PIK3C2G: variants seen among roughly 807,000 people sequenced by gnomAD.
PIK3C2G encodes phosphatidylinositol 3-kinase C2 domain-containing subunit gamma.
Under a neutral mutation model 181.1 loss-of-function variants are expected in PIK3C2G, and 168 were observed. The ratio of observed to expected loss-of-function variants is 0.93; its 90% confidence interval spans 0.82 to 1.05. PIK3C2G has a LOEUF of 1.05. Among genes scored for constraint, PIK3C2G ranks in the 50% least tolerant of loss-of-function variants. The probability of loss-of-function intolerance (pLI) is 0.00; values close to 1 mark genes in which losing one functional copy is unlikely to be tolerated. For missense variants in PIK3C2G, 1,869 were observed against 1,732.8 expected (o/e 1.08, Z -1.40); for synonymous variants, 573 against 592.2 (o/e 0.97, Z 0.47).
At chr12:18,254,908 A>C (rs1380654962) in intron 1 of PIK3C2G, among the ~76,000 whole-genome samples, 2 of 151,668 alleles carry the variant, frequency 1.3e-5, no homozygotes, top group Non-Finnish European at 1.5e-5. Context: ...TTTCACTTAA[A>C]AATTTAAAAA....
At chr12:18,575,869 T>G (rs1269671395) in intron 29 of PIK3C2G, among the ~76,000 whole-genome samples, 1 of 152,222 alleles carries the variant, frequency 6.6e-6, no homozygotes, top group Non-Finnish European at 1.5e-5. Flanking sequence ...TGTTTATTAG[T>G]GTTTTTGAAT....
intron 18 of PIK3C2G, among the ~76,000 whole-genome samples, chr12:18,465,083 C>A (rs1206682315): frequency 1.7e-4 from 26 of 151,970 alleles, no homozygotes; most frequent in Non-Finnish European, 2.9e-5. Flanking sequence ...GAATCTAATA[C>A]TGAAAAATAA....
At chr12:18,625,666 G>A (rs1474041087) in intron 31 of PIK3C2G, among the ~76,000 whole-genome samples, 2 of 151,722 alleles carry the variant, frequency 1.3e-5, no homozygotes, top group Non-Finnish European at 3.0e-5. Context: ...TATCCCTTCA[G>A]AAACTTTAAT....
intron 15 of PIK3C2G, among the ~76,000 whole-genome samples, chr12:18,395,993 G>A (rs74906378): frequency 4.6e-5 from 7 of 151,210 alleles, no homozygotes; most frequent in South Asian, 2.1e-4. Flanking sequence ...AAAAAAACAC[G>A]CCATAGAAAC....
At chr12:18,657,523 T>C in the PIK3C2G span, among the ~76,000 whole-genome samples, 4 of 152,162 alleles carry the variant, frequency 2.6e-5, no homozygotes, top group South Asian at 6.2e-4. Context: ...AGATTTCTAA[T>C]TTTTTGTTGT....
intron 7 of PIK3C2G, among the ~76,000 whole-genome samples, chr12:18,322,339 G>A (rs1056464181): frequency 3.3e-5 from 5 of 150,384 alleles, no homozygotes; most frequent in Non-Finnish European, 7.4e-5. Flanking sequence ...CTGAGATCAC[G>A]CCACTGTACT....
At chr12:18,334,659 C>T (rs1328836999) in intron 8 of PIK3C2G, among the ~76,000 whole-genome samples, 1 of 152,036 alleles carries the variant, frequency 6.6e-6, no homozygotes, top group Non-Finnish European at 1.5e-5. Context: ...TCGGGACAAT[C>T]ACATTCAAAT....
At chr12:18,336,513 G>A (rs535347689) in intron 8 of PIK3C2G, among the ~76,000 whole-genome samples, 60 of 152,128 alleles carry the variant, frequency 3.9e-4, no homozygotes, top group South Asian at 1.0e-3. Context: ...AAAATGTGGT[G>A]GAACTAACTT....
chr12:18,560,765 A>C (rs541743680), intron 26 of PIK3C2G, among the ~76,000 whole-genome samples: 1 of 152,288 alleles, frequency 6.6e-6, no homozygotes, highest in Non-Finnish European at 1.5e-5. Context: ...CAAAAGTGAA[A>C]GGATTTGAAA....
upstream of PIK3C2G, among the ~76,000 whole-genome samples, chr12:18,245,741 A>G (rs1948033077): frequency 6.6e-6 from 1 of 152,152 alleles, no homozygotes; most frequent in South Asian, 2.1e-4. Flanking sequence ...TGGTTTGGTA[A>G]TAAGATTGCT....
intron 11 of PIK3C2G, among the ~76,000 whole-genome samples, chr12:18,352,777 A>T (rs2137713629): frequency 6.6e-6 from 1 of 152,294 alleles, no homozygotes; most frequent in Non-Finnish European, 1.5e-5. Context: ...GAGTTCAGCC[A>T]TTCCTGGCCA....
intron 26 of PIK3C2G, among the ~76,000 whole-genome samples, chr12:18,559,801 TATATATATATATATATATATAG>T (rs1268707413): frequency 2.2e-3 from 120 of 54,050 alleles, no homozygotes; most frequent in Non-Finnish European, 3.5e-3. Context: ...TATATATATA[TATATATATATATATATATATAG>T]AGAGAGAGAG....
intron 24 of PIK3C2G, among the ~76,000 whole-genome samples, chr12:18,533,657 T>A (rs1053757327): frequency 3.9e-5 from 6 of 152,172 alleles, no homozygotes; most frequent in African/African-American, 7.2e-5. Context: ...ATTGATTTTT[T>A]AAAATCTTTC....
intron 32 of PIK3C2G, among the ~76,000 whole-genome samples, chr12:18,645,238 C>A (rs1168124763): frequency 6.6e-6 from 1 of 152,062 alleles, no homozygotes; most frequent in Non-Finnish European, 1.5e-5. Context: ...ATATAATCAT[C>A]TCTGTACTTC....
chr12:18,647,867 C>A lies in PIK3C2G; in HGVS notation c.4309-9C>A. ...TGATTTATATTTTCATTATTTTCTC[C>A]GTTTTTAGGTAGTATATGATGAAGT... On this transcript the variant is annotated splice_polypyrimidine_tract_variant and intron_variant, in intron 32 of 32. Transcript: ENST00000538779. 1 of 1,449,370 alleles carries A rather than the reference C, an allele frequency of 6.9e-7. No individual in the cohort carries two copies. The highest frequency in any genetic ancestry group is 2.4e-5 in the Admixed American group (1 of 41,482). The allele number at this position is 1,449,370 out of a possible 1,614,324, so 89.8% of individuals were successfully genotyped here.
intron 18 of PIK3C2G, among the ~76,000 whole-genome samples, chr12:18,454,633 C>A (rs1947533186): frequency 6.6e-6 from 1 of 152,000 alleles, no homozygotes; most frequent in African/African-American, 2.4e-5. Context: ...ATTAAGGAGA[C>A]AAAGGCAAAA....
intron 17 of PIK3C2G, among the ~76,000 whole-genome samples, chr12:18,421,462 C>T (rs769039602): frequency 9.9e-5 from 15 of 151,810 alleles, no homozygotes; most frequent in Non-Finnish European, 2.1e-4. Flanking sequence ...TTTCTAATAG[C>T]CAAATTTTGC....
At chr12:18,251,508 T>C (rs1948095130) in intron 1 of PIK3C2G, among the ~76,000 whole-genome samples, 2 of 152,056 alleles carry the variant, frequency 1.3e-5, no homozygotes, top group Non-Finnish European at 2.9e-5. Flanking sequence ...GCAATGTATT[T>C]AGTGTAGCCT....
chr12:18,361,969 C>G (rs964679515), intron 11 of PIK3C2G, among the ~76,000 whole-genome samples: 1 of 151,894 alleles, frequency 6.6e-6, no homozygotes, highest in East Asian at 1.9e-4. Flanking sequence ...AAGAAGCCAC[C>G]CAACTTTTTT....
Sources: gnomAD v4.1 joint callset for allele counts (sites outside exome capture counted in the v4.1 genomes callset) on GRCh38, gnomAD v4.1.1 for gene constraint, MANE v1.5 for transcripts, NCBI Gene and HGNC (gene_info 2026-07-23, HGNC 2026-07-21) for gene names.